The following TASP1 variants were observed in gnomAD, a reference collection of about 807,000 sequenced individuals.
TASP1 encodes the protein taspase 1.
A neutral mutation model predicts 56.6 loss-of-function variants in TASP1; 16 were observed. The ratio of observed to expected loss-of-function variants is 0.28; its 90% CI spans 0.19 to 0.43. TASP1 has a LOEUF of 0.43. Among genes scored for constraint, TASP1 ranks in the 20% least tolerant of loss-of-function variants. The probability of loss-of-function intolerance (pLI) is 1.00; values close to 1 mark genes in which losing one functional copy is unlikely to be tolerated. For synonymous variants in TASP1, 179 were observed against 184.2 expected (o/e 0.97, Z 0.23); for missense variants, 393 against 511.6 (o/e 0.77, Z 2.24).
At chr20:13,214,115 T>C in the TASP1 span, among the ~76,000 whole-genome samples, 3 of 152,134 alleles carry the variant, frequency 2.0e-5, no homozygotes, top group African/African-American at 7.3e-5. Flanking sequence ...ATGTGGTTTA[T>C]AAGTTAGATC....
chr20:13,555,911 C>T (rs1299020269), intron 8 of TASP1, among the ~76,000 whole-genome samples: 2 of 151,994 alleles, frequency 1.3e-5, no homozygotes, highest in African/African-American at 4.8e-5. Flanking sequence ...ATCTTGGTGG[C>T]ATATAATTCA....
chr20:13,172,176 GA>G, the TASP1 span, among the ~76,000 whole-genome samples: 1 of 152,034 alleles, frequency 6.6e-6, no homozygotes, highest in Admixed American at 6.6e-5. Context: ...AATGGAAGAT[GA>G]AAATGGACTA....
the TASP1 span, among the ~76,000 whole-genome samples, chr20:13,371,371 T>C: frequency 6.6e-6 from 1 of 152,188 alleles, no homozygotes; most frequent in Admixed American, 6.5e-5. Context: ...TTTTCATTCA[T>C]CTCAAAATAT....
the TASP1 span, among the ~76,000 whole-genome samples, chr20:13,377,998 A>G: frequency 1.3e-5 from 2 of 151,848 alleles, no homozygotes; most frequent in African/African-American, 2.4e-5. Flanking sequence ...CAGTCTATAT[A>G]TTTTGTTAAT....
chr20:13,271,024 GAC>G, the TASP1 span, among the ~76,000 whole-genome samples: 1 of 152,104 alleles, frequency 6.6e-6, no homozygotes, highest in Non-Finnish European at 1.5e-5. Context: ...TAATTTAAGA[GAC>G]AGTGAAATAT....
the TASP1 span, chr20:13,239,551 T>G: frequency 6.6e-6 from 1 of 152,232 alleles, no homozygotes; most frequent in Non-Finnish European, 1.5e-5. Flanking sequence ...AAGTACCTTT[T>G]GTGCCACCAG....
chr20:13,259,136 A>G, the TASP1 span, among the ~76,000 whole-genome samples: 8 of 152,224 alleles, frequency 5.3e-5, no homozygotes, highest in African/African-American at 1.9e-4. Context: ...TACAAAAATT[A>G]GCCAGGCATG....
At chr20:13,122,479 G>A in the TASP1 span, among the ~76,000 whole-genome samples, 2 of 152,194 alleles carry the variant, frequency 1.3e-5, no homozygotes, top group African/African-American at 4.8e-5. Context: ...GGAGAAGTCT[G>A]GAGAAGTCGA....
chr20:13,270,733 CA>C, the TASP1 span: 1 of 1,613,604 alleles, frequency 6.2e-7, no homozygotes, highest in Non-Finnish European at 8.5e-7. Flanking sequence ...GGGCAGAATC[CA>C]AATATCCAGG....
the TASP1 span, among the ~76,000 whole-genome samples, chr20:13,152,381 C>T: frequency 6.6e-6 from 1 of 152,130 alleles, no homozygotes; most frequent in Non-Finnish European, 1.5e-5. Context: ...CTGAATTACT[C>T]ATGACACATT....
chr20:13,472,095 T>C (rs894649731), intron 11 of TASP1, among the ~76,000 whole-genome samples: 1 of 151,122 alleles, frequency 6.6e-6, no homozygotes, highest in African/African-American at 2.4e-5. Context: ...CAAACTATAC[T>C]ACAGTAACCA....
At chr20:13,456,055 T>C (rs1188335561) in intron 11 of TASP1, among the ~76,000 whole-genome samples, 1 of 152,070 alleles carries the variant, frequency 6.6e-6, no homozygotes, top group East Asian at 1.9e-4. Flanking sequence ...CAAAGAACTA[T>C]AACAGCAGAT....
At chr20:13,220,764 G>A in the TASP1 span, among the ~76,000 whole-genome samples, 3 of 152,108 alleles carry the variant, frequency 2.0e-5, no homozygotes, top group African/African-American at 7.2e-5. Context: ...CCTCTCCCCC[G>A]ACTGCTTCAG....
chr20:13,431,626 G>A (rs558931364), intron 12 of TASP1, among the ~76,000 whole-genome samples: 2 of 152,146 alleles, frequency 1.3e-5, no homozygotes, highest in Non-Finnish European at 2.9e-5. Context: ...GAAGGAGGAA[G>A]AGAAAAGGAG....
the TASP1 span, among the ~76,000 whole-genome samples, chr20:13,338,507 C>T: frequency 6.6e-6 from 1 of 152,164 alleles, no homozygotes; most frequent in Non-Finnish European, 1.5e-5. Flanking sequence ...CTTATTTTAC[C>T]AGCCCCTGTT....
At chr20:13,479,057 A>T (rs868476164) in intron 11 of TASP1, among the ~76,000 whole-genome samples, 21 of 152,300 alleles carry the variant, frequency 1.4e-4, no homozygotes, top group African/African-American at 4.8e-4. Context: ...ATAATTTTTA[A>T]AATGATGGAA....
chr20:13,321,275 A>AAAAAAAAAAAAAAAAAAAAAAAT, the TASP1 span, among the ~76,000 whole-genome samples: 2 of 150,522 alleles, frequency 1.3e-5, no homozygotes, highest in African/African-American at 2.4e-5. Flanking sequence ...AAAAAAAAAA[A>AAAAAAAAAAAAAAAAAAAAAAAT]AGATTTTATG....
chr20:13,459,045 T>C (rs958516001), intron 11 of TASP1, among the ~76,000 whole-genome samples: 11 of 152,190 alleles, frequency 7.2e-5, no homozygotes, highest in Admixed American at 7.2e-4. Context: ...GTTCATCTAC[T>C]GGCCCCTAGA....
At chr20:13,629,805 G>T in intron 2 of TASP1, 129 bp downstream of exon 2, 3 of 1,372,410 alleles carry the variant, frequency 2.2e-6, no homozygotes, top group Non-Finnish European at 3.0e-6. Flanking sequence ...TCAAACAATC[G>T]CTTTGCTTCC....
Sources: gnomAD v4.1 joint callset for allele counts (sites outside exome capture counted in the v4.1 genomes callset) on GRCh38, gnomAD v4.1.1 for gene constraint, MANE v1.5 for transcripts, NCBI Gene and HGNC (gene_info 2026-07-23, HGNC 2026-07-21) for gene names.